SLC9A9: variants seen among roughly 807,000 people sequenced by gnomAD.
SLC9A9 encodes solute carrier family 9 member A9.
SLC9A9 carries 62 observed loss-of-function variants against 77.8 expected under a neutral mutation model. That is an observed-to-expected ratio of 0.80 (90% CI 0.65 to 0.98). The LOEUF (loss-of-function observed/expected upper bound fraction) is 0.98, where lower values mean the gene tolerates loss of function less well. SLC9A9 is among the 50% of genes least tolerant of loss of function. The pLI, the probability that SLC9A9 is intolerant of heterozygous loss-of-function variation, is 0.00. For missense variants in SLC9A9, 775 were observed against 774.9 expected (o/e 1.00, Z 0.00); for synonymous variants, 320 against 283.5 (o/e 1.13, Z -1.29).
chr3:143,435,649 A>G (rs1362806682), intron 12 of SLC9A9, among the ~76,000 whole-genome samples: 1 of 152,184 alleles, frequency 6.6e-6, no homozygotes, highest in Non-Finnish European at 1.5e-5. Context: ...AAAGGTAGGA[A>G]TCAATGACAT....
intron 14 of SLC9A9, among the ~76,000 whole-genome samples, chr3:143,270,901 T>G (rs1002214761): frequency 8.5e-5 from 13 of 152,242 alleles, no homozygotes; most frequent in African/African-American, 3.1e-4. Context: ...TTTTATGGTT[T>G]TAGTTACCCA....
intron 12 of SLC9A9, among the ~76,000 whole-genome samples, chr3:143,433,511 C>T (rs775079340): frequency 3.9e-5 from 6 of 152,074 alleles, no homozygotes; most frequent in Admixed American, 2.6e-4. Context: ...TTTATAATAA[C>T]GTCCAATACA....
chr3:143,347,793 G>A (rs2032333575), intron 14 of SLC9A9, among the ~76,000 whole-genome samples: 1 of 152,256 alleles, frequency 6.6e-6, no homozygotes, highest in South Asian at 2.1e-4. Context: ...ATCTGTGAGT[G>A]AGCAGCTATT....
chr3:143,838,023 G>A (rs576786563), intron 1 of SLC9A9, among the ~76,000 whole-genome samples: 2 of 133,618 alleles, frequency 1.5e-5, no homozygotes. Flanking sequence ...CTCTTCTCTG[G>A]ACTTCCAGTT....
At chr3:143,268,703 A>C (rs1209654848) in intron 15 of SLC9A9, among the ~76,000 whole-genome samples, 172 bp downstream of exon 15, 3 of 139,494 alleles carry the variant, frequency 2.2e-5, no homozygotes, top group Non-Finnish European at 3.0e-5. Flanking sequence ...ACTGCACTCC[A>C]GCCTGGGCAA....
intron 12 of SLC9A9, among the ~76,000 whole-genome samples, chr3:143,408,137 C>T (rs764207253): frequency 5.9e-5 from 9 of 152,118 alleles, no homozygotes; most frequent in Non-Finnish European, 1.2e-4. Flanking sequence ...AATGTTTATG[C>T]TTTCATTTAA....
At chr3:143,628,216 G>C (rs1351758382) in intron 6 of SLC9A9, among the ~76,000 whole-genome samples, 1 of 152,152 alleles carries the variant, frequency 6.6e-6, no homozygotes, top group Admixed American at 6.5e-5. Context: ...AAAGGGTACA[G>C]ATGCACCTCC....
chr3:143,421,378 T>G (rs1263477636), intron 12 of SLC9A9, among the ~76,000 whole-genome samples: 1 of 152,184 alleles, frequency 6.6e-6, no homozygotes, highest in Non-Finnish European at 1.5e-5. Flanking sequence ...AAGGCTACAG[T>G]AAGCAAAACA....
intron 9 of SLC9A9, among the ~76,000 whole-genome samples, chr3:143,551,383 T>C (rs369180837): frequency 2.0e-5 from 3 of 152,340 alleles, no homozygotes; most frequent in South Asian, 2.1e-4. Context: ...ATTTCATGAG[T>C]TGGTCTCTGC....
At chr3:143,449,809 TAA>T (rs1320964284) in intron 12 of SLC9A9, among the ~76,000 whole-genome samples, 4 of 48,560 alleles carry the variant, frequency 8.2e-5, no homozygotes, top group East Asian at 8.2e-4. Context: ...TTTATATATA[TAA>T]TTATATATTT....
At chr3:143,592,321 G>A (rs1304408255) in intron 6 of SLC9A9, among the ~76,000 whole-genome samples, 7 of 152,218 alleles carry the variant, frequency 4.6e-5, no homozygotes, top group Admixed American at 4.6e-4. Flanking sequence ...AAGCCCAGAT[G>A]TTCAAGGCTG....
At chr3:143,344,682 C>T (rs2032207957) in intron 14 of SLC9A9, 1 of 152,218 alleles carries the variant, frequency 6.6e-6, no homozygotes, top group South Asian at 2.1e-4. Context: ...AGTTTAGTGA[C>T]TCTGACCTTG....
At chr3:143,451,466 A>G (rs1032405104) in intron 12 of SLC9A9, among the ~76,000 whole-genome samples, 2 of 152,200 alleles carry the variant, frequency 1.3e-5, no homozygotes, top group Non-Finnish European at 2.9e-5. Flanking sequence ...TTTTTAAAAC[A>G]GTTTCATTAA....
chr3:143,790,448 A>G (rs146109062), intron 4 of SLC9A9, among the ~76,000 whole-genome samples: 10 of 152,360 alleles, frequency 6.6e-5, no homozygotes, highest in Non-Finnish European at 1.5e-4. Context: ...AGCCATAATG[A>G]TAAATGTAAG....
At chr3:143,481,600 T>A (rs565519676) in intron 11 of SLC9A9, among the ~76,000 whole-genome samples, 1 of 152,318 alleles carries the variant, frequency 6.6e-6, no homozygotes, top group South Asian at 2.1e-4. Context: ...AGAAAAACCA[T>A]GAATTGAGAT....
At chr3:143,271,809 G>A (rs752563452) in intron 14 of SLC9A9, among the ~76,000 whole-genome samples, 3 of 152,170 alleles carry the variant, frequency 2.0e-5, no homozygotes, top group Non-Finnish European at 4.4e-5. Context: ...AGTCAACTGA[G>A]GTATACTCTC....
At chr3:143,692,230 A>C (rs1221806020) in intron 5 of SLC9A9, among the ~76,000 whole-genome samples, 1 of 152,188 alleles carries the variant, frequency 6.6e-6, no homozygotes, top group African/African-American at 2.4e-5. Context: ...AAAGAGGCCC[A>C]ATAATCATAT....
At chr3:143,536,175 G>T (rs1404742518) in intron 9 of SLC9A9, among the ~76,000 whole-genome samples, 1 of 152,196 alleles carries the variant, frequency 6.6e-6, no homozygotes, top group East Asian at 1.9e-4. Flanking sequence ...AAACTGGAAA[G>T]TGAGAGGTAA....
At chr3:143,544,106 C>A (rs2036742051) in intron 9 of SLC9A9, among the ~76,000 whole-genome samples, 1 of 152,216 alleles carries the variant, frequency 6.6e-6, no homozygotes, top group Non-Finnish European at 1.5e-5. Flanking sequence ...TTGATTTGCA[C>A]TTCTCTGATA....
Sources: gnomAD v4.1 joint callset for allele counts (sites outside exome capture counted in the v4.1 genomes callset) on GRCh38, gnomAD v4.1.1 for gene constraint, MANE v1.5 for transcripts, NCBI Gene and HGNC (gene_info 2026-07-23, HGNC 2026-07-21) for gene names.